EYS: variants seen among roughly 807,000 people sequenced by gnomAD.
EYS encodes the protein EGF-like photoreceptor maintenance factor.
EYS carries 250 observed loss-of-function variants against 282.1 expected under a neutral mutation model. The ratio of observed to expected loss-of-function variants is 0.89; its 90% CI spans 0.80 to 0.98. The LOEUF (loss-of-function observed/expected upper bound fraction) is 0.98, where lower values mean the gene tolerates loss of function less well. EYS is among the 50% of genes least tolerant of loss of function. EYS has a pLI of 0.00. For missense variants in EYS, 4,016 were observed against 3,709.0 expected (o/e 1.08, Z -2.15); for synonymous variants, 1,355 against 1,282.9 (o/e 1.06, Z -1.20).
At position 63,789,831 on chromosome 6, in the gene EYS, C is replaced by A. The variant is rs901187231; in HGVS notation, c.7412-607G>T. 2.0e-5 allele frequency among the ~76,000 whole-genome samples: 3 copies of A among 152,276 alleles called. No individual in the cohort carries two copies. The East Asian group carries it at 5.8e-4, about 29-fold the overall frequency. On this transcript the variant is annotated intron_variant, in intron 37 of 42. Coordinates refer to ENST00000503581, the MANE Select transcript of EYS (RefSeq NM_001142800.2). ...AGTGAGTTCCAGGACCCAGAACACTCAGGAGACAGTTCTTAAAGACCCACG... is the reference window on the plus strand; with the variant it reads ...AGTGAGTTCCAGGACCCAGAACACTAAGGAGACAGTTCTTAAAGACCCACG...
chr6:64,084,834 G>A (rs1772090668), intron 31 of EYS, among the ~76,000 whole-genome samples: 1 of 152,118 alleles, frequency 6.6e-6, no homozygotes, highest in Non-Finnish European at 1.5e-5. Context: ...GAGTGTTAAG[G>A]CCATCTTAGT....
chr6:63,980,957 G>T (rs188154045), intron 35 of EYS, among the ~76,000 whole-genome samples: 299 of 152,000 alleles, frequency 2.0e-3, no homozygotes, highest in Middle Eastern at 0.01. Context: ...GATCCATTTT[G>T]TCAGAATCAG....
intron 12 of EYS, among the ~76,000 whole-genome samples, chr6:65,260,197 AACTC>A (rs1338688842): frequency 6.6e-6 from 1 of 152,032 alleles, no homozygotes; most frequent in African/African-American, 2.4e-5. Context: ...ATCTCGTGAG[AACTC>A]ACTCACTATC....
intron 12 of EYS, among the ~76,000 whole-genome samples, chr6:65,272,243 C>G (rs971923476): frequency 6.6e-6 from 1 of 152,138 alleles, no homozygotes; most frequent in African/African-American, 2.4e-5. Flanking sequence ...TTATTTATCT[C>G]TATTGCCAGA....
chr6:64,250,505 A>G (rs542601587), intron 30 of EYS, among the ~76,000 whole-genome samples: 54 of 152,362 alleles, frequency 3.5e-4, no homozygotes, highest in Middle Eastern at 6.8e-3. Flanking sequence ...TAGGCTTAAT[A>G]AAATAGAGCC....
chr6:64,842,597 T>C lies in EYS; in HGVS notation c.2993-19775A>G, dbSNP rs117018845. Among the ~76,000 whole-genome samples, 20 of 151,888 alleles carry C rather than the reference T, an allele frequency of 1.3e-4. No homozygotes were observed. The East Asian group carries it at 3.9e-3, about 30-fold the overall frequency. Reference sequence around the variant, plus strand: ...ACAAAAATGGTGATAGCAATATGAATGCTAAGGTCCAGGCTGAGGTGGTCT... The same window carrying C: ...ACAAAAATGGTGATAGCAATATGAACGCTAAGGTCCAGGCTGAGGTGGTCT... On this transcript the variant is annotated intron_variant, in intron 19 of 42. Coordinates refer to ENST00000503581, the MANE Select transcript of EYS (RefSeq NM_001142800.2).
At chr6:64,204,576 G>T (rs1207126527) in intron 31 of EYS, among the ~76,000 whole-genome samples, 3 of 152,084 alleles carry the variant, frequency 2.0e-5, no homozygotes, top group Non-Finnish European at 4.4e-5. Context: ...AAAACACGCT[G>T]CAAGACTTGC....
At chr6:63,942,045 G>A (rs575531955) in intron 35 of EYS, among the ~76,000 whole-genome samples, 129 of 152,280 alleles carry the variant, frequency 8.5e-4, no homozygotes, top group African/African-American at 3.1e-3. Flanking sequence ...TTGTATTGAA[G>A]TAGTCTACAT....
At chr6:65,138,360 C>T (rs1776080873) in intron 12 of EYS, among the ~76,000 whole-genome samples, 2 of 151,966 alleles carry the variant, frequency 1.3e-5, no homozygotes, top group South Asian at 2.1e-4. Context: ...CCCAGTATTA[C>T]TTTAAAATGT....
At chr6:63,926,674 T>A (rs1181181951) in intron 35 of EYS, among the ~76,000 whole-genome samples, 1 of 152,348 alleles carries the variant, frequency 6.6e-6, no homozygotes. Flanking sequence ...TGGATCATTG[T>A]GGATGTCTAT....
chr6:64,817,852 T>C (rs1272857972), intron 21 of EYS, among the ~76,000 whole-genome samples: 1 of 152,206 alleles, frequency 6.6e-6, no homozygotes, highest in Non-Finnish European at 1.5e-5. Context: ...CCACCACTGA[T>C]GGTCACCTGT....
At chr6:63,987,656 C>T (rs981497000) in intron 34 of EYS, among the ~76,000 whole-genome samples, 9 of 151,534 alleles carry the variant, frequency 5.9e-5, no homozygotes, top group Non-Finnish European at 5.9e-5. Flanking sequence ...TCTGATATCC[C>T]AATTCCCAAA....
intron 19 of EYS, among the ~76,000 whole-genome samples, chr6:64,849,714 A>G (rs1765823108): frequency 6.6e-6 from 1 of 152,016 alleles, no homozygotes; most frequent in Non-Finnish European, 1.5e-5. Flanking sequence ...AGGTAGATTG[A>G]ACATGCACAT....
At chr6:64,053,663 C>G (rs533322903) in intron 33 of EYS, among the ~76,000 whole-genome samples, 5 of 151,948 alleles carry the variant, frequency 3.3e-5, no homozygotes, top group Non-Finnish European at 5.9e-5. Context: ...CAGGTGAAGA[C>G]CAAGAAGTAT....
chr6:64,618,661 A>G (rs1767349226), intron 23 of EYS, among the ~76,000 whole-genome samples: 1 of 152,216 alleles, frequency 6.6e-6, no homozygotes, highest in Non-Finnish European at 1.5e-5. Flanking sequence ...AGAAACAAAT[A>G]GGGCCTGAGT....
chr6:65,622,303 G>T (rs1766533268), intron 2 of EYS, among the ~76,000 whole-genome samples: 2 of 152,130 alleles, frequency 1.3e-5, no homozygotes. Context: ...CAGTTGCTCT[G>T]TATCAGGTTA....
chr6:64,006,977 C>T (rs1768380092), intron 33 of EYS, among the ~76,000 whole-genome samples: 1 of 152,026 alleles, frequency 6.6e-6, no homozygotes, highest in Admixed American at 6.6e-5. Context: ...TGTGTCTCTG[C>T]TGGGTTTTGA....
chr6:65,523,655 G>C (rs9445554), intron 2 of EYS, among the ~76,000 whole-genome samples: 62,774 of 151,872 alleles, frequency 0.41, 13,783 homozygotes, highest in African/African-American at 0.57. Context: ...TGTTGTATAC[G>C]CTAAATATGC....
intron 13 of EYS, among the ~76,000 whole-genome samples, chr6:65,017,651 C>G (rs1205486770): frequency 6.6e-6 from 1 of 152,150 alleles, no homozygotes; most frequent in East Asian, 1.9e-4. Context: ...CAGACAAGGT[C>G]TGTGCTCATG....
Sources: gnomAD v4.1 joint callset for allele counts (sites outside exome capture counted in the v4.1 genomes callset) on GRCh38, gnomAD v4.1.1 for gene constraint, MANE v1.5 for transcripts, NCBI Gene and HGNC (gene_info 2026-07-23, HGNC 2026-07-21) for gene names.